The following RPTOR variants were observed in gnomAD, a reference collection of about 807,000 sequenced individuals.
RPTOR encodes regulatory associated protein of MTOR complex 1.
A neutral mutation model predicts 169.9 loss-of-function variants in RPTOR; 21 were observed. The ratio of observed to expected loss-of-function variants is 0.12; its 90% CI spans 0.09 to 0.18. The LOEUF (loss-of-function observed/expected upper bound fraction) is 0.18. Ranked by LOEUF, RPTOR falls within the 10% of genes least tolerant of loss-of-function variation. RPTOR has a pLI of 1.00. For missense variants in RPTOR, 1,133 were observed against 1,855.9 expected, an observed-to-expected ratio of 0.61 and a Z score of 7.16; for synonymous variants, 732 against 753.2, an observed-to-expected ratio of 0.97 and a Z score of 0.46.
In RPTOR at chr17:80,947,105, C is replaced by T; in HGVS notation, c.3141-122C>T. On this transcript the variant is annotated intron_variant, in intron 26 of 33. Coordinates refer to ENST00000306801, the MANE Select transcript of RPTOR (RefSeq NM_020761.3). The surrounding 1 kb of genome is among the most constrained non-coding windows in gnomAD (Gnocchi z 4.4). ...TAGCTAGGATGACAGGTGTGAGCCG[C>T]CGTGCCCGGCTGTGGTGTGTGGTTT... The T allele has an allele frequency of 1.0e-6, 1 of 974,946 alleles. No individual in the cohort carries two copies. The highest frequency in any genetic ancestry group is 1.4e-6 in the Non-Finnish European group (1 of 695,278). 60.4% of individuals were successfully genotyped at this position (974,946 alleles called of 1,614,324 possible). A position where few individuals can be genotyped will look rare whatever the true frequency, so the allele number is the denominator to read the frequency against.
intron 24 of RPTOR, among the ~76,000 whole-genome samples, chr17:80,934,287 T>G: frequency 6.6e-6 from 1 of 151,706 alleles, no homozygotes; most frequent in East Asian, 1.9e-4. Context: ...TTGGAAGAGA[T>G]TACTACCAAA....
chr17:80,630,644 G>A (rs529245415), intron 2 of RPTOR, among the ~76,000 whole-genome samples: 1 of 152,346 alleles, frequency 6.6e-6, no homozygotes, highest in Admixed American at 6.5e-5. Context: ...CATGTATAGA[G>A]TACTTTCACT....
At chr17:80,564,293 A>G (rs1444547805) in intron 1 of RPTOR, among the ~76,000 whole-genome samples, 1 of 151,778 alleles carries the variant, frequency 6.6e-6, no homozygotes, top group African/African-American at 2.4e-5. Flanking sequence ...CAATCTCCTG[A>G]CCTTGTGATC....
At chr17:80,616,123 A>G (rs1489964414) in intron 1 of RPTOR, among the ~76,000 whole-genome samples, 1 of 152,130 alleles carries the variant, frequency 6.6e-6, no homozygotes, top group African/African-American at 2.4e-5. Context: ...CATGGGTAAC[A>G]TATTGCTGGA....
intron 25 of RPTOR, among the ~76,000 whole-genome samples, chr17:80,943,403 A>C (rs532457377): frequency 1.3e-5 from 2 of 152,328 alleles, no homozygotes; most frequent in African/African-American, 2.4e-5. Context: ...GAAGGGTGGG[A>C]AGGGCAGGGT....
At chr17:80,603,436 C>A (rs1329932622) in intron 1 of RPTOR, among the ~76,000 whole-genome samples, 2 of 152,040 alleles carry the variant, frequency 1.3e-5, no homozygotes. Context: ...GCAAGAAGCT[C>A]GTGGGGGTTG....
At chr17:80,742,368 G>A (rs146601636) in intron 5 of RPTOR, among the ~76,000 whole-genome samples, 3 of 152,106 alleles carry the variant, frequency 2.0e-5, no homozygotes, top group Middle Eastern at 3.4e-3. Context: ...TCCAGAAGGG[G>A]ATGGCAGCAC....
rs547964172 is a variant in RPTOR, at chr17:80,599,343, G to A, written c.163-26348G>A. 5.3e-5 allele frequency among the ~76,000 whole-genome samples: 8 copies of A among 152,208 alleles called. No homozygotes were observed. The East Asian group carries it at 1.5e-3, about 29-fold the overall frequency. On this transcript the variant is annotated intron_variant, in intron 1 of 33. Coordinates refer to ENST00000306801, the MANE Select transcript of RPTOR (RefSeq NM_020761.3). ...GCTGAGGCCCCCTGAGACCTGTGGC[G>A]CCCTTTCCTAATTCTTGACCATGGG...
chr17:80,817,153 T>A (rs1598326666), intron 7 of RPTOR, among the ~76,000 whole-genome samples: 1 of 151,490 alleles, frequency 6.6e-6, no homozygotes, highest in South Asian at 2.1e-4. Context: ...GCAGCGGTGG[T>A]GGAGGTAGTG....
In RPTOR at chr17:80,885,032, C is replaced by T; in HGVS notation, c.1867C>T (p.Leu623Phe). ...GGTCCGCTGCGCAGCGGTCTTCGCC[C>T]TTGGCACGTTCGTGGGCAACTCTGC... ...PEVRCAAVFA[L>F]GTFVGNSAER... is the part of the protein sequence containing the mutation. Residue 623 changes from leucine to phenylalanine, a missense_variant, in exon 17 of 34, where the codon CTT becomes TTT. Leu to Phe is a conservative substitution (Grantham distance 22). This residue lies in a region of RPTOR where 289 missense variants were observed against 585.8 expected (regional missense o/e 0.49). Transcript: ENST00000306801. 6.2e-7 allele frequency: 1 copy of T among 1,609,984 alleles called. No individual in the cohort carries two copies.
In RPTOR at chr17:80,965,345, G is replaced by T; in HGVS notation, c.*1015G>T. On this transcript the variant is annotated 3_prime_UTR_variant, in exon 34 of 34. Transcript: ENST00000306801. ...AGGCAAGAGGCACTGCCGGGTCCCG[G>T]ACGGCTCCGGGTGACACCAGCCCCG... 1 of 233,320 alleles carries T rather than the reference G, an allele frequency of 4.3e-6. No individual in the cohort carries two copies. Among genetic ancestry groups the T allele is most frequent in the Non-Finnish European group, 8.5e-6 (1 of 118,068 alleles). 14.5% of individuals were successfully genotyped at this position (233,320 alleles called of 1,614,324 possible).
At chr17:80,585,493 C>T (rs979541915) in intron 1 of RPTOR, among the ~76,000 whole-genome samples, 1 of 150,570 alleles carries the variant, frequency 6.6e-6, no homozygotes, top group Non-Finnish European at 1.5e-5. Flanking sequence ...CGTGAGCCAC[C>T]GCGGCTGGCC....
intron 13 of RPTOR, among the ~76,000 whole-genome samples, chr17:80,872,809 T>C (rs1172235973): frequency 1.3e-5 from 2 of 151,826 alleles, no homozygotes; most frequent in Non-Finnish European, 2.9e-5. Context: ...CAGGTGGAGG[T>C]AGCACGGCAG....
chr17:80,962,690 T>A, intron 32 of RPTOR, 113 bp downstream of exon 32: 3 of 1,128,716 alleles, frequency 2.7e-6, no homozygotes, highest in Non-Finnish European at 3.8e-6. Flanking sequence ...AGGGGAGGAT[T>A]TCACTGCTGT....
chr17:80,591,917 G>A (rs928169480), intron 1 of RPTOR, among the ~76,000 whole-genome samples: 1 of 152,168 alleles, frequency 6.6e-6, no homozygotes, highest in Non-Finnish European at 1.5e-5. Context: ...ACCAGCTTGT[G>A]GCTTTGTGGA....
At chr17:80,777,953 G>T (rs896878010) in intron 6 of RPTOR, among the ~76,000 whole-genome samples, 1 of 152,170 alleles carries the variant, frequency 6.6e-6, no homozygotes. Flanking sequence ...TCCCTAGCAG[G>T]TTTCTGTGTA....
At chr17:80,681,662 G>GTTGAATTTCATTTGATTCTTAAA in intron 3 of RPTOR, among the ~76,000 whole-genome samples, 90 of 85,156 alleles carry the variant, frequency 1.1e-3, no homozygotes, top group African/African-American at 3.4e-3. Context: ...CCTTCATGAG[G>GTTGAATTTCATTTGATTCTTAAA]TGTACGTCTC....
intron 6 of RPTOR, among the ~76,000 whole-genome samples, chr17:80,755,525 C>T (rs952823963): frequency 2.6e-5 from 4 of 151,988 alleles, no homozygotes; most frequent in African/African-American, 9.7e-5. Context: ...TTGCTTGAGG[C>T]CAGGAGTTCG....
At chr17:80,664,444 T>C (rs756420503) in intron 3 of RPTOR, among the ~76,000 whole-genome samples, 41 of 152,212 alleles carry the variant, frequency 2.7e-4, no homozygotes, top group Non-Finnish European at 4.7e-4. Flanking sequence ...CTCGATGGCC[T>C]ACCATCCTGC....
Sources: gnomAD v4.1 joint callset for allele counts (sites outside exome capture counted in the v4.1 genomes callset) on GRCh38, gnomAD v4.1.1 for gene constraint, gnomAD v4.1.1 regional missense constraint, Gnocchi (gnomAD v3.1) non-coding constraint, MANE v1.5 for transcripts, NCBI Gene and HGNC (gene_info 2026-07-23, HGNC 2026-07-21) for gene names.